The following GPC6 variants were observed in gnomAD, a reference collection of about 807,000 sequenced individuals.
GPC6 encodes glypican 6.
GPC6 carries 14 observed loss-of-function variants against 55.2 expected under a neutral mutation model. The observed-to-expected ratio is 0.25, with a 90% CI of 0.17 to 0.40. The LOEUF (loss-of-function observed/expected upper bound fraction) is 0.40, where lower values mean the gene tolerates loss of function less well. Among genes scored for constraint, GPC6 ranks in the 10% least tolerant of loss-of-function variants. The pLI is 1.00. For missense variants in GPC6, 641 were observed against 708.5 expected (o/e 0.90, Z 1.08); for synonymous variants, 278 against 259.6 (o/e 1.07, Z -0.68).
At chr13:93,682,423 A>G (rs935741676) in intron 2 of GPC6, among the ~76,000 whole-genome samples, 1 of 152,130 alleles carries the variant, frequency 6.6e-6, no homozygotes, top group African/African-American at 2.4e-5. Context: ...GTCTCTGGAC[A>G]TAGCTGCCCT....
intron 1 of GPC6, among the ~76,000 whole-genome samples, chr13:93,271,243 C>G (rs1355001433): frequency 6.6e-6 from 1 of 152,120 alleles, no homozygotes; most frequent in Non-Finnish European, 1.5e-5. Context: ...GACCTCCTAT[C>G]TCTTGACCTT....
intron 1 of GPC6, among the ~76,000 whole-genome samples, chr13:93,413,267 G>A (rs976318039): frequency 5.9e-5 from 9 of 152,094 alleles, no homozygotes; most frequent in South Asian, 2.1e-4. Context: ...TTCACATTAC[G>A]AAGAAATGTT....
intron 3 of GPC6, among the ~76,000 whole-genome samples, chr13:93,911,636 A>G (rs1486949065): frequency 6.6e-6 from 1 of 152,234 alleles, no homozygotes; most frequent in Non-Finnish European, 1.5e-5. Flanking sequence ...ACATGGGCTT[A>G]GTTATCACAA....
chr13:93,716,617 A>T (rs969754034), intron 2 of GPC6, among the ~76,000 whole-genome samples: 1 of 151,728 alleles, frequency 6.6e-6, no homozygotes, highest in African/African-American at 2.4e-5. Context: ...TTTACAAAAG[A>T]GTCAGTAAGT....
At chr13:94,137,788 G>A (rs1254600894) in intron 4 of GPC6, among the ~76,000 whole-genome samples, 2 of 152,130 alleles carry the variant, frequency 1.3e-5, no homozygotes, top group Admixed American at 6.5e-5. Context: ...CAGGTGCAGT[G>A]TTTTAACCTA....
chr13:94,028,082 T>C (rs188318420), intron 4 of GPC6, among the ~76,000 whole-genome samples, 188 bp downstream of exon 4: 183 of 152,094 alleles, frequency 1.2e-3, no homozygotes, highest in South Asian at 7.7e-3. Flanking sequence ...CTGGACAACA[T>C]AGTGAGATTC....
In GPC6 at chr13:93,768,427, C is replaced by T. The variant is rs1317505680; in HGVS notation, c.320-61727C>T. 2.0e-5 allele frequency among the ~76,000 whole-genome samples: 3 copies of T among 152,164 alleles called. No homozygotes were observed. In the East Asian group the frequency reaches 5.8e-4, roughly 29 times the overall value. ...CGATTACCAATCTTACCTCCCCAAG[C>T]CTGTAAACATAATTCAGTGACTGCA... is the stretch of plus-strand genomic sequence containing the variant. On this transcript the variant is annotated intron_variant, in intron 2 of 8. Transcript: ENST00000377047.
At chr13:93,420,656 T>C (rs1487891271) in intron 1 of GPC6, among the ~76,000 whole-genome samples, 1 of 152,176 alleles carries the variant, frequency 6.6e-6, no homozygotes, top group Admixed American at 6.5e-5. Flanking sequence ...TCCTTGTTTT[T>C]CTGTGTAGAA....
intron 2 of GPC6, among the ~76,000 whole-genome samples, chr13:93,767,349 G>A (rs777047465): frequency 2.6e-5 from 4 of 152,088 alleles, no homozygotes; most frequent in South Asian, 2.1e-4. Flanking sequence ...TCTATACCAC[G>A]GAAACTCACA....
intron 6 of GPC6, among the ~76,000 whole-genome samples, chr13:94,380,051 G>T (rs540602550): frequency 6.6e-6 from 1 of 152,276 alleles, no homozygotes; most frequent in South Asian, 2.1e-4. Context: ...ATTAAATTCT[G>T]CACATACTGA....
chr13:93,383,336 G>C (rs898558087), intron 1 of GPC6, among the ~76,000 whole-genome samples: 1 of 152,044 alleles, frequency 6.6e-6, no homozygotes, highest in African/African-American at 2.4e-5. Flanking sequence ...CTCAGTCTCC[G>C]GAGTAGCTGG....
intron 2 of GPC6, among the ~76,000 whole-genome samples, chr13:93,812,943 T>C (rs1220585965): frequency 6.6e-6 from 1 of 152,122 alleles, no homozygotes; most frequent in African/African-American, 2.4e-5. Flanking sequence ...ATAAGGATTG[T>C]CACTAATTGT....
chr13:94,236,972 A>C, intron 4 of GPC6, among the ~76,000 whole-genome samples: 1 of 151,760 alleles, frequency 6.6e-6, no homozygotes, highest in Non-Finnish European at 1.5e-5. Flanking sequence ...ACTTGACAAG[A>C]AGGTTGGAAG....
chr13:93,562,716 C>T (rs1159430727), intron 2 of GPC6, among the ~76,000 whole-genome samples: 3 of 152,038 alleles, frequency 2.0e-5, no homozygotes, highest in African/African-American at 7.2e-5. Context: ...ATGAAAATTC[C>T]TAATATTCAA....
At chr13:93,895,636 A>G (rs983738226) in intron 3 of GPC6, among the ~76,000 whole-genome samples, 1 of 152,010 alleles carries the variant, frequency 6.6e-6, no homozygotes, top group Non-Finnish European at 1.5e-5. Context: ...TTTATATCAG[A>G]CAATATCTTG....
intron 4 of GPC6, among the ~76,000 whole-genome samples, chr13:94,273,991 C>T (rs1364945651): frequency 6.6e-6 from 1 of 152,158 alleles, no homozygotes; most frequent in Admixed American, 6.5e-5. Context: ...ATGTCCATCA[C>T]ATTCATGATT....
At chr13:93,401,656 G>T (rs1270483376) in intron 1 of GPC6, among the ~76,000 whole-genome samples, 2 of 140,104 alleles carry the variant, frequency 1.4e-5, no homozygotes, top group Non-Finnish European at 3.1e-5. Context: ...ATCAGCTTCT[G>T]AGTGTTATTT....
chr13:93,292,221 T>A (rs1878341455), intron 1 of GPC6, among the ~76,000 whole-genome samples: 1 of 152,186 alleles, frequency 6.6e-6, no homozygotes, highest in Non-Finnish European at 1.5e-5. Context: ...GAAATTGAGA[T>A]GTCACGTGCC....
chr13:93,220,132 A>C, the GPC6 span, among the ~76,000 whole-genome samples: 1 of 152,372 alleles, frequency 6.6e-6, no homozygotes, highest in East Asian at 1.9e-4. Context: ...TTAATGATAG[A>C]TAATTAACTC....
Sources: allele counts gnomAD v4.1 joint callset (sites outside exome capture counted in the v4.1 genomes callset), GRCh38; gene constraint gnomAD v4.1.1; transcripts MANE v1.5; gene names NCBI Gene and HGNC (gene_info 2026-07-23, HGNC 2026-07-21).